The following JPH2 variants were observed in gnomAD, a reference collection of about 807,000 sequenced individuals.
JPH2 encodes junctophilin 2, also known as junctophilin-2.
Under a neutral mutation model 55.9 loss-of-function variants are expected in JPH2, and 38 were observed. The observed-to-expected ratio is 0.68, with a 90% confidence interval of 0.52 to 0.89. JPH2 has a LOEUF of 0.89. JPH2 is among the 40% of genes least tolerant of loss of function. The pLI, the probability that JPH2 is intolerant of heterozygous loss-of-function variation, is 0.00. For synonymous variants in JPH2, 480 were observed against 472.4 expected (o/e 1.02, Z -0.21); for missense variants, 964 against 1,037.6 (o/e 0.93, Z 0.97).
chr20:44,173,108 ATAAT>A (rs1174192487), intron 1 of JPH2, among the ~76,000 whole-genome samples: 2 of 152,320 alleles, frequency 1.3e-5, no homozygotes, highest in Non-Finnish European at 2.9e-5. Flanking sequence ...TAAGACAAAA[ATAAT>A]TAACAGTCCT....
intron 2 of JPH2, among the ~76,000 whole-genome samples, chr20:44,127,763 C>T (rs2072287891): frequency 6.6e-6 from 1 of 152,282 alleles, no homozygotes; most frequent in East Asian, 1.9e-4. Context: ...GCTGGGATTA[C>T]AGGCGTGAGC....
At chr20:44,165,435 G>A (rs781637982) in intron 1 of JPH2, among the ~76,000 whole-genome samples, 3 of 152,072 alleles carry the variant, frequency 2.0e-5, no homozygotes, top group Non-Finnish European at 2.9e-5. Context: ...CTGTGCCACC[G>A]TTCTCTCTCA....
At chr20:44,142,139 C>T (rs972360976) in intron 2 of JPH2, among the ~76,000 whole-genome samples, 1 of 152,124 alleles carries the variant, frequency 6.6e-6, no homozygotes, top group Admixed American at 6.5e-5. Context: ...AGGATGTGTG[C>T]CCAGTTATGT....
At chr20:44,182,108 G>T (rs145696183) in intron 1 of JPH2, among the ~76,000 whole-genome samples, 1 of 152,174 alleles carries the variant, frequency 6.6e-6, no homozygotes, top group Admixed American at 6.6e-5. Context: ...GGAAATTAAG[G>T]TTTGGTGAGT....
intron 2 of JPH2, among the ~76,000 whole-genome samples, chr20:44,147,308 T>C (rs1269699529): frequency 6.6e-6 from 1 of 152,246 alleles, no homozygotes; most frequent in African/African-American, 2.4e-5. Context: ...GGCTGTTCAC[T>C]GCGGCCTCAC....
intron 1 of JPH2, among the ~76,000 whole-genome samples, chr20:44,173,489 C>T (rs1240742938): frequency 6.6e-6 from 1 of 152,138 alleles, no homozygotes; most frequent in Non-Finnish European, 1.5e-5. Context: ...TTAAAAAATG[C>T]TACCTTCCAA....
intron 1 of JPH2, among the ~76,000 whole-genome samples, chr20:44,180,797 G>T (rs2072775587): frequency 6.6e-6 from 1 of 152,054 alleles, no homozygotes; most frequent in Admixed American, 6.6e-5. Context: ...TTCACATCAC[G>T]CCTGAAGTTT....
chr20:44,126,339 G>A (rs1186738108), intron 2 of JPH2, among the ~76,000 whole-genome samples: 1 of 152,128 alleles, frequency 6.6e-6, no homozygotes, highest in African/African-American at 2.4e-5. Context: ...CCCATGGTAG[G>A]TTTGGATGAT....
At chr20:44,162,513 C>T (rs1048000511) in intron 1 of JPH2, among the ~76,000 whole-genome samples, 9 of 151,894 alleles carry the variant, frequency 5.9e-5, no homozygotes, top group African/African-American at 2.2e-4. Flanking sequence ...TGGGCACCTT[C>T]TAAGCAGCTG....
chr20:44,149,962 GGAAAAAAAAAAA>G (rs1370241054), intron 2 of JPH2, among the ~76,000 whole-genome samples: 2 of 116,756 alleles, frequency 1.7e-5, no homozygotes, highest in African/African-American at 3.0e-5. Context: ...GGGCGACAGA[GGAAAAAAAAAAA>G]AAAAAAAAAA....
At chr20:44,132,484 G>T (rs2072328999) in intron 2 of JPH2, among the ~76,000 whole-genome samples, 1 of 151,112 alleles carries the variant, frequency 6.6e-6, no homozygotes, top group Admixed American at 6.6e-5. Flanking sequence ...TGCCCAGGGA[G>T]ATCATCTCTA....
chr20:44,164,827 CT>C (rs71195523), intron 1 of JPH2, among the ~76,000 whole-genome samples: 37,700 of 133,288 alleles, frequency 0.28, 5,304 homozygotes, highest in African/African-American at 0.35. Flanking sequence ...TGTTCTGCAC[CT>C]TTTTTTTTTT....
In JPH2 at chr20:44,186,569, A is replaced by G. The variant is rs767642742; in HGVS notation, c.137T>C (p.Phe46Ser). The G allele has an allele frequency of 1.2e-6, 2 of 1,613,454 alleles. No homozygotes were observed. The highest frequency in any genetic ancestry group is 2.2e-5 in the East Asian group (1 of 44,828). The change falls in exon 1 of 6, where the codon TTT (phenylalanine) becomes TCT (serine). Residue 46 changes from phenylalanine to serine, a missense_variant. Transcript: ENST00000372980. ...CCAGGTGTAGACACCTGCCACCTCAAAGCCAAAGTTCCAGGAGCCAGAGTA... is the reference window on the plus strand; with the variant it reads ...CCAGGTGTAGACACCTGCCACCTCAGAGCCAAAGTTCCAGGAGCCAGAGTA... ...GEYSGSWNFG[F>S]EVAGVYTWPS...
intron 2 of JPH2, among the ~76,000 whole-genome samples, chr20:44,153,540 T>C (rs763022427): frequency 1.3e-5 from 2 of 151,840 alleles, no homozygotes; most frequent in Non-Finnish European, 2.9e-5. Flanking sequence ...GGGGAGGAGA[T>C]GGAGGTGGGG....
At chr20:44,145,512 G>T (rs2072487877) in intron 2 of JPH2, among the ~76,000 whole-genome samples, 1 of 151,938 alleles carries the variant, frequency 6.6e-6, no homozygotes, top group Admixed American at 6.6e-5. Context: ...GCTGCAGCAG[G>T]AGAATCGCTT....
chr20:44,116,293 C>T lies in JPH2; in HGVS notation c.1382G>A (p.Gly461Asp). 9.1e-6 allele frequency: 14 copies of T among 1,538,528 alleles called. No homozygotes were observed. Among genetic ancestry groups the T allele is most frequent in the Non-Finnish European group, 1.2e-5 (14 of 1,144,784 alleles). ...GCTCTCGCGGGGCGGCTGTGGGAGG[C>T]CCGCTGCGCCGGCGCCCCGGTCGGG... The part of the protein sequence containing the change: ...EPPDRGAGAA[G>D]LPQPPRESPQ... The change falls in exon 4 of 6, where the codon GGC becomes GAC. Residue 461 changes from glycine to aspartate, a missense_variant. Transcript: ENST00000372980.
At position 44,118,699 on chromosome 20, in the gene JPH2, A is replaced by G; in HGVS notation, c.1170-76T>C. On this transcript the variant is annotated intron_variant, in intron 2 of 5. Coordinates refer to ENST00000372980, the MANE Select transcript of JPH2 (RefSeq NM_020433.5). Reference sequence around the variant, plus strand: ...TTCTGCCCCTTCTCCCCAACCCACAAAGAGACATGCTAAACACAGCATTCT... The same window carrying G: ...TTCTGCCCCTTCTCCCCAACCCACAGAGAGACATGCTAAACACAGCATTCT... The G allele has an allele frequency of 1.7e-6, 2 of 1,149,572 alleles. 1 individual carries two copies. The highest frequency in any genetic ancestry group is 2.4e-5 in the South Asian group (2 of 81,734). 71.2% of individuals were successfully genotyped at this position (1,149,572 alleles called of 1,614,324 possible).
At chr20:44,167,369 C>T (rs959738897) in intron 1 of JPH2, among the ~76,000 whole-genome samples, 7 of 152,152 alleles carry the variant, frequency 4.6e-5, no homozygotes, top group Non-Finnish European at 1.0e-4. Context: ...GGTAAGCATC[C>T]GATGAATTTT....
chr20:44,129,564 AAAAAAC>A (rs1442228816), intron 2 of JPH2, among the ~76,000 whole-genome samples: 13 of 141,138 alleles, frequency 9.2e-5, no homozygotes, highest in Admixed American at 5.8e-4. Context: ...AAAAAAAAAA[AAAAAAC>A]AAAAAAAACA....
Sources: gnomAD v4.1 joint callset for allele counts (sites outside exome capture counted in the v4.1 genomes callset) on GRCh38, gnomAD v4.1.1 for gene constraint, MANE v1.5 for transcripts, NCBI Gene and HGNC (gene_info 2026-07-23, HGNC 2026-07-21) for gene names.